The following ZAN variants were observed in gnomAD, a reference collection of about 807,000 sequenced individuals.
ZAN encodes the protein zonadhesin, also known as zonadhesin (gene/pseudogene).
ZAN carries 260 observed loss-of-function variants against 286.2 expected under a neutral mutation model. The observed-to-expected ratio is 0.91, with a 90% CI of 0.82 to 1.01. The LOEUF (loss-of-function observed/expected upper bound fraction) is 1.01, where lower values mean the gene tolerates loss of function less well. Ranked by LOEUF, ZAN falls within the 50% of genes least tolerant of loss-of-function variation. The pLI is 0.00. For missense variants in ZAN, 3,410 were observed against 3,639.2 expected (o/e 0.94, Z 1.62); for synonymous variants, 1,368 against 1,417.5 (o/e 0.97, Z 0.79).
At chr7:100,745,724 A>T (rs1808170120) in intron 7 of ZAN, among the ~76,000 whole-genome samples, 2 of 139,686 alleles carry the variant, frequency 1.4e-5, no homozygotes, top group South Asian at 4.4e-4. Context: ...CCCATCTCTT[A>T]AAAAAAAAAA....
At chr7:100,751,652 G>A in intron 13 of ZAN, 60 bp from the exon 14 acceptor site, 2 of 1,511,604 alleles carry the variant, frequency 1.3e-6, no homozygotes, top group Non-Finnish European at 1.8e-6. Flanking sequence ...TTAGATGGCA[G>A]TAAAGAGGGT....
rs767450771 is a variant in ZAN, at chr7:100,755,327, T to C, written c.3226T>C (p.Cys1076Arg). ...GCCCCTCTGTCGGGAGGGCTGTGTCTGCAACCCTGGCTTTTTGTTTAGTGA... is the reference window on the plus strand; with the variant it reads ...GCCCCTCTGTCGGGAGGGCTGTGTCCGCAACCCTGGCTTTTTGTTTAGTGA... ...CGPLCREGCVCNPGFLFSDNH... is the reference protein window; with the variant it reads ...CGPLCREGCVRNPGFLFSDNH... The change falls in exon 15 of 48, where the codon TGC (cysteine) becomes CGC (arginine). Residue 1076 changes from cysteine (C) to arginine (R), a missense_variant. Physicochemically the swap from Cys to Arg is radical, Grantham distance 180 (BLOSUM62 -3). This residue lies in a region of ZAN where 1,042 missense variants were observed against 1,058.0 expected (regional missense o/e 0.98). Transcript: ENST00000613979. 1 of 1,613,908 alleles carries C rather than the reference T, an allele frequency of 6.2e-7. No individual in the cohort carries two copies. Among genetic ancestry groups the C allele is most frequent in the Non-Finnish European group, 8.5e-7 (1 of 1,179,878 alleles).
At position 100,758,342 on chromosome 7, in the gene ZAN, C is replaced by A. The variant is rs770062835; in HGVS notation, c.3450C>A (p.Tyr1150Ter). ...ATGGCCAGTATGGATGCCACCCCTA[C>A]GGTGAGAGCCCCTCCCCATGCTGTC... The part of the protein sequence containing the change: ...LKNGQYGCHP[Y>*]AGTATCLVYG... Residue 1150 changes from tyrosine (Y) to a stop codon, truncating the protein, a stop_gained and splice_region_variant, in exon 16 of 48, where the codon TAC (tyrosine) becomes TAA (stop). Transcript: ENST00000613979. LOFTEE classifies it high-confidence loss of function. 6.2e-7 allele frequency: 1 copy of A among 1,611,696 alleles called. No homozygotes were observed. Among genetic ancestry groups the A allele is most frequent in the South Asian group, 1.1e-5 (1 of 90,940 alleles).
chr7:100,791,821 G>A, intron 40 of ZAN, 145 bp from the exon 41 acceptor site: 2 of 955,364 alleles, frequency 2.1e-6, no homozygotes, highest in Admixed American at 5.8e-5. Flanking sequence ...TCCACCTCCT[G>A]GGCTCAAGTC....
In ZAN at chr7:100,766,402, A is replaced by T. The variant is rs1809974267; in HGVS notation, c.4471-123A>T. 3 of 1,219,510 alleles carry T rather than the reference A, an allele frequency of 2.5e-6. No individual in the cohort carries two copies. In the African/African-American group the frequency reaches 4.6e-5, roughly 19 times the overall value. The allele number at this position is 1,219,510 out of a possible 1,614,324, so 75.5% of individuals were successfully genotyped here. A position where few individuals can be genotyped will look rare whatever the true frequency, so the allele number is the denominator to read the frequency against. On this transcript the variant is annotated intron_variant, in intron 23 of 47. Transcript: ENST00000613979. ...AATCTCGGAGCTTCAGGAAGAGAGG[A>T]TGTCTCCCCACTATTAAGCCAGTGA...
intron 19 of ZAN, among the ~76,000 whole-genome samples, chr7:100,761,033 T>C (rs1809538245): frequency 1.3e-5 from 2 of 152,052 alleles, no homozygotes; most frequent in African/African-American, 2.4e-5. Context: ...GTAGCTGGGA[T>C]TACAGGCGCA....
intron 29 of ZAN, among the ~76,000 whole-genome samples, chr7:100,772,527 T>C (rs552699390): frequency 5.9e-5 from 9 of 152,078 alleles, no homozygotes; most frequent in African/African-American, 1.9e-4. Context: ...GAAGTGTACA[T>C]TTAAAAAATT....
Position 100,784,700 on chromosome 7 carries a change from C to G in ZAN, c.6700C>G (p.Arg2234Gly), listed in dbSNP as rs373100732. Residue 2234 changes from arginine (R) to glycine (G), a missense_variant, in exon 36 of 48, where the codon CGG becomes GGG. This residue lies in a region of ZAN where 1,289 missense variants were observed against 1,314.3 expected (regional missense o/e 0.98). Coordinates refer to ENST00000613979, the MANE Select transcript of ZAN (RefSeq NM_003386.3). Reference protein sequence around the residue: ...CSPSCWDLDGRCEGAKVPSAC... With the variant: ...CSPSCWDLDGGCEGAKVPSAC... ...ACCCTCCTGCTGGGACCTGGATGGC[C>G]GGTGTGAGGGCGCCAAAGTCCCCTC... 6 of 1,613,890 alleles carry G rather than the reference C, an allele frequency of 3.7e-6. No individual in the cohort carries two copies. Among genetic ancestry groups the G allele is most frequent in the Non-Finnish European group, 4.2e-6 (5 of 1,179,882 alleles).
intron 37 of ZAN, among the ~76,000 whole-genome samples, chr7:100,787,541 T>A (rs1422406618): frequency 1.3e-5 from 2 of 151,878 alleles, no homozygotes; most frequent in Non-Finnish European, 2.9e-5. Flanking sequence ...CTGGGCAGGG[T>A]CCCTTCTCAG....
Position 100,739,073 on chromosome 7 carries a change from G to A in ZAN, c.766+460G>A, listed in dbSNP as rs1342347424. ...GTCACCCAGTCTGGAGTGCAGTGGC[G>A]TGATCTCTGCTCACTGCAACCTCTG... On this transcript the variant is annotated intron_variant, in intron 7 of 47. Transcript: ENST00000613979. 4.4e-4 allele frequency among the ~76,000 whole-genome samples: 55 copies of A among 125,334 alleles called. 11 individuals carry two copies. Among genetic ancestry groups the A allele is most frequent in the East Asian group, 4.5e-4 (2 of 4,420 alleles). The allele number at this position is 125,334 out of a possible 152,430, so 82.2% of individuals were successfully genotyped here.
In ZAN at chr7:100,763,739, C is replaced by T; in HGVS notation, c.3987-67C>T. ...GGTCCCGGCCTGCCAGCCTTGCTGC[C>T]TGCTGGGTTAGGGATGAGCTGGAAG... On this transcript the variant is annotated intron_variant, in intron 20 of 47. Transcript: ENST00000613979. The surrounding 1 kb of genome is among the most constrained non-coding windows in gnomAD (Gnocchi z 4.6). 6.6e-7 allele frequency: 1 copy of T among 1,526,676 alleles called. No homozygotes were observed. Among genetic ancestry groups the T allele is most frequent in the East Asian group, 2.3e-5 (1 of 44,210 alleles). 94.6% of individuals were successfully genotyped at this position (1,526,676 alleles called of 1,614,324 possible). A position where few individuals can be genotyped will look rare whatever the true frequency, so the allele number is the denominator to read the frequency against.
intron 15 of ZAN, among the ~76,000 whole-genome samples, chr7:100,757,670 G>A (rs1028003234): frequency 6.6e-5 from 10 of 150,832 alleles, no homozygotes; most frequent in South Asian, 2.1e-4. Flanking sequence ...CAGGAGAATC[G>A]CTTGAACGCT....
At chr7:100,745,404 T>C (rs1808132100) in intron 7 of ZAN, among the ~76,000 whole-genome samples, 1 of 151,532 alleles carries the variant, frequency 6.6e-6, no homozygotes, top group South Asian at 2.1e-4. Flanking sequence ...TCCCCACGAG[T>C]GGCAGCCGCT....
intron 31 of ZAN, among the ~76,000 whole-genome samples, chr7:100,774,559 G>A (rs1467892029): frequency 6.6e-6 from 1 of 152,066 alleles, no homozygotes; most frequent in Non-Finnish European, 1.5e-5. Flanking sequence ...CATTGCACCT[G>A]TAGTCCCTGC....
At chr7:100,770,175 A>C (rs545312353) in intron 28 of ZAN, among the ~76,000 whole-genome samples, 242 of 152,050 alleles carry the variant, frequency 1.6e-3, no homozygotes, top group African/African-American at 5.5e-3. Flanking sequence ...CAGGCAGTAG[A>C]TAAATCCGGG....
chr7:100,762,507 C>T (rs775413727), intron 20 of ZAN, 149 bp downstream of exon 20: 2 of 1,093,016 alleles, frequency 1.8e-6, no homozygotes, highest in Non-Finnish European at 2.5e-6. Flanking sequence ...CTCACTGCAA[C>T]CTCCGCCTCC....
At chr7:100,769,558 T>C (rs1328430445) in intron 27 of ZAN, among the ~76,000 whole-genome samples, 2 of 151,902 alleles carry the variant, frequency 1.3e-5, no homozygotes, top group Non-Finnish European at 2.9e-5. Flanking sequence ...TTCTTTTCTT[T>C]TCTTGAGACA....
Position 100,755,227 on chromosome 7 carries a change from G to T in ZAN, c.3126G>T (p.Glu1042Asp). 6.2e-7 allele frequency: 1 copy of T among 1,611,638 alleles called. No homozygotes were observed. Among genetic ancestry groups the T allele is most frequent in the Non-Finnish European group, 8.5e-7 (1 of 1,178,400 alleles). The stretch of plus-strand genomic sequence containing the variant: ...TGACAGAGGCTGTTTTCCCCTTAGA[G>T]CGCTGCCCTCCAAATGCCCGCTACG... Reference protein sequence around the residue: ...GTTTTSRSSTERCPPNARYES... With the variant: ...GTTTTSRSSTDRCPPNARYES... Residue 1042 changes from glutamate to aspartate, a missense_variant and splice_region_variant, in exon 15 of 48, where the codon GAG (glutamate) becomes GAT (aspartate). Glu to Asp is a conservative substitution (Grantham distance 45). This residue lies in a region of ZAN where 1,042 missense variants were observed against 1,058.0 expected (regional missense o/e 0.98). Transcript: ENST00000613979.
Position 100,748,091 on chromosome 7 carries a change from G to A in ZAN, c.1024-46G>A, listed in dbSNP as rs768649864. ...GTCGAGTTAGATCAGGGGCTTGGGG[G>A]TGTGGGCTGTGTGCTCACTCCTGCT... is the stretch of plus-strand genomic sequence containing the variant. On this transcript the variant is annotated intron_variant, in intron 9 of 47. Transcript: ENST00000613979. The A allele has an allele frequency of 2.6e-6, 4 of 1,527,308 alleles. No individual in the cohort carries two copies. The East Asian group carries it at 6.8e-5, about 26-fold the overall frequency. The allele number at this position is 1,527,308 out of a possible 1,614,324, so 94.6% of individuals were successfully genotyped here. A position where few individuals can be genotyped will look rare whatever the true frequency, so the allele number is the denominator to read the frequency against.
Sources: gnomAD v4.1 joint callset for allele counts (sites outside exome capture counted in the v4.1 genomes callset) on GRCh38, gnomAD v4.1.1 for gene constraint, gnomAD v4.1.1 regional missense constraint, Gnocchi (gnomAD v3.1) non-coding constraint, MANE v1.5 for transcripts, NCBI Gene and HGNC (gene_info 2026-07-23, HGNC 2026-07-21) for gene names.